The following TMEM132C variants were observed in gnomAD, a reference collection of about 807,000 sequenced individuals.
The protein encoded by TMEM132C is transmembrane protein 132C, also known as protein phosphatase 1, regulatory subunit 152.
In TMEM132C, 29 loss-of-function variants were observed where a neutral mutation model predicts 61.4. The ratio of observed to expected loss-of-function variants is 0.47; its 90% CI spans 0.35 to 0.64. TMEM132C has a LOEUF of 0.64. Among genes scored for constraint, TMEM132C ranks in the 30% least tolerant of loss-of-function variants. The pLI, the probability that TMEM132C is intolerant of heterozygous loss-of-function variation, is 0.00. For missense variants in TMEM132C, 1,408 were observed against 1,476.9 expected (o/e 0.95, Z 0.76); for synonymous variants, 656 against 633.1 (o/e 1.04, Z -0.54).
intron 2 of TMEM132C, among the ~76,000 whole-genome samples, chr12:128,529,222 A>G (rs918950728): frequency 1.3e-5 from 2 of 151,938 alleles, no homozygotes; most frequent in Non-Finnish European, 2.9e-5. Flanking sequence ...CTCCATCAGG[A>G]CTCAGTGTAT....
intron 3 of TMEM132C, among the ~76,000 whole-genome samples, chr12:128,585,933 G>A (rs915579883): frequency 6.6e-6 from 1 of 152,170 alleles, no homozygotes; most frequent in Non-Finnish European, 1.5e-5. Context: ...CAGAGGTTTA[G>A]TTTTACAAGA....
intron 2 of TMEM132C, among the ~76,000 whole-genome samples, chr12:128,519,925 C>T (rs1472642393): frequency 2.6e-5 from 4 of 152,226 alleles, no homozygotes; most frequent in African/African-American, 9.6e-5. Context: ...TGTCTTGCCC[C>T]TGGTTACTTT....
chr12:128,705,564 A>C lies in TMEM132C; in HGVS notation c.2596A>C (p.Asn866His). ...ATTTARSLLD[N>H]KVVKNSRADG... ...TACCACGGCCAGGTCCCTGCTGGAC[A>C]ACAAAGTGGTGAAGAACAGTCGGGC... The change falls in exon 9 of 9, where the codon AAC becomes CAC. Residue 866 changes from asparagine to histidine, a missense_variant. Physicochemically the swap from Asn to His is moderately conservative, Grantham distance 68. Coordinates refer to ENST00000435159, the MANE Select transcript of TMEM132C (RefSeq NM_001136103.3). The C allele has an allele frequency of 1.3e-6, 2 of 1,551,186 alleles. No individual in the cohort carries two copies. The highest frequency in any genetic ancestry group is 1.7e-6 in the Non-Finnish European group (2 of 1,146,988).
chr12:128,394,972 T>C (rs1285102339), intron 1 of TMEM132C, among the ~76,000 whole-genome samples: 1 of 151,804 alleles, frequency 6.6e-6, no homozygotes, highest in African/African-American at 2.4e-5. Flanking sequence ...TCATCTCCCT[T>C]CTACTCCTCT....
At chr12:128,489,098 C>A (rs987188212) in intron 2 of TMEM132C, among the ~76,000 whole-genome samples, 2 of 152,084 alleles carry the variant, frequency 1.3e-5, no homozygotes, top group African/African-American at 4.8e-5. Context: ...GACTGGTCCC[C>A]GGGCAGTGGG....
chr12:128,401,089 A>G (rs529043820), intron 1 of TMEM132C, among the ~76,000 whole-genome samples: 69 of 152,352 alleles, frequency 4.5e-4, no homozygotes, highest in Middle Eastern at 3.4e-3. Context: ...ACTACAGACC[A>G]TGGGTCAAAT....
chr12:128,647,099 T>G (rs1329413429), intron 4 of TMEM132C, among the ~76,000 whole-genome samples: 9 of 151,492 alleles, frequency 5.9e-5, no homozygotes, highest in Admixed American at 1.3e-4. Flanking sequence ...CCATCAGCGT[T>G]GGATGTGAGT....
intron 1 of TMEM132C, among the ~76,000 whole-genome samples, chr12:128,283,936 G>A (rs1258593065): frequency 6.6e-6 from 1 of 152,194 alleles, no homozygotes; most frequent in Non-Finnish European, 1.5e-5. Flanking sequence ...GAACTGTTCA[G>A]AAGCAGGAGG....
intron 4 of TMEM132C, among the ~76,000 whole-genome samples, chr12:128,661,098 A>T (rs947041641): frequency 2.0e-5 from 3 of 152,254 alleles, no homozygotes; most frequent in African/African-American, 7.2e-5. Context: ...CTAGATAGAT[A>T]GACAGATATA....
chr12:128,462,097 G>GTTTGTTTGT (rs1470847795), intron 2 of TMEM132C, among the ~76,000 whole-genome samples: 72 of 152,014 alleles, frequency 4.7e-4, no homozygotes, highest in African/African-American at 1.6e-3. Context: ...TATTTTATTT[G>GTTTGTTTGT]TTTGTTTTGT....
chr12:128,683,540 T>C (rs941004729), intron 5 of TMEM132C, among the ~76,000 whole-genome samples: 1 of 152,240 alleles, frequency 6.6e-6, no homozygotes, highest in African/African-American at 2.4e-5. Flanking sequence ...TCCTGTTCGC[T>C]GTGAGACCTT....
At chr12:128,598,816 G>A (rs1876062256) in intron 3 of TMEM132C, among the ~76,000 whole-genome samples, 1 of 150,044 alleles carries the variant, frequency 6.7e-6, no homozygotes, top group South Asian at 2.1e-4. Context: ...CTGGGACCAT[G>A]CGCTGCTGAG....
intron 2 of TMEM132C, among the ~76,000 whole-genome samples, chr12:128,418,125 A>T (rs1487895259): frequency 6.6e-6 from 1 of 152,140 alleles, no homozygotes; most frequent in East Asian, 1.9e-4. Context: ...CTTACTTCAG[A>T]TTTTAAATTC....
intron 2 of TMEM132C, among the ~76,000 whole-genome samples, chr12:128,479,707 C>T (rs868142154): frequency 2.6e-5 from 4 of 152,282 alleles, no homozygotes; most frequent in African/African-American, 7.2e-5. Context: ...TCTGCTGACC[C>T]CCAGCCAAGG....
chr12:128,470,151 C>A (rs1870898828), intron 2 of TMEM132C, among the ~76,000 whole-genome samples: 1 of 152,194 alleles, frequency 6.6e-6, no homozygotes, highest in Non-Finnish European at 1.5e-5. Context: ...CGGAGTGGAG[C>A]GTGGATGGCA....
chr12:128,661,944 G>T (rs925451216), intron 4 of TMEM132C, among the ~76,000 whole-genome samples: 2 of 152,078 alleles, frequency 1.3e-5, no homozygotes, highest in African/African-American at 2.4e-5. Flanking sequence ...ATGGATATTT[G>T]GTTAAAGTAT....
At chr12:128,662,976 G>T (rs80124206) in intron 4 of TMEM132C, among the ~76,000 whole-genome samples, 9,324 of 152,252 alleles carry the variant, frequency 0.061, 845 homozygotes, top group African/African-American at 0.2. Context: ...GGTAGAGATA[G>T]ATCATTGGCT....
intron 3 of TMEM132C, 125 bp downstream of exon 3, chr12:128,544,228 G>T: frequency 1.5e-6 from 2 of 1,334,526 alleles, no homozygotes; most frequent in Non-Finnish European, 2.0e-6. Context: ...AACCCACCAC[G>T]TGGAAATCTG....
chr12:128,556,149 TG>T (rs1874323238), intron 3 of TMEM132C, among the ~76,000 whole-genome samples: 1 of 152,196 alleles, frequency 6.6e-6, no homozygotes, highest in Admixed American at 6.5e-5. Context: ...AAGATTTTAC[TG>T]GAGACCGAAG....
Sources: gnomAD v4.1 joint callset for allele counts (sites outside exome capture counted in the v4.1 genomes callset) on GRCh38, gnomAD v4.1.1 for gene constraint, MANE v1.5 for transcripts, NCBI Gene and HGNC (gene_info 2026-07-23, HGNC 2026-07-21) for gene names.